ANAPC10: variants seen among roughly 807,000 people sequenced by gnomAD.
The protein encoded by ANAPC10 is anaphase-promoting complex subunit 10.
A neutral mutation model predicts 22.0 loss-of-function variants in ANAPC10; 12 were observed. The observed-to-expected ratio is 0.55, with a 90% CI of 0.35 to 0.88. ANAPC10 has a LOEUF of 0.88. Ranked by LOEUF, ANAPC10 falls within the 40% of genes least tolerant of loss-of-function variation. ANAPC10 has a pLI of 0.01. For synonymous variants in ANAPC10, 65 were observed against 69.5 expected (o/e 0.94, Z 0.32); for missense variants, 188 against 220.9 (o/e 0.85, Z 0.94).
rs568677882 is a variant in ANAPC10 at position 145,096,188 on chromosome 4, T to G, written c.-12-77A>C. On this transcript the variant is annotated intron_variant, in intron 1 of 4. Coordinates refer to ENST00000507656, the MANE Select transcript of ANAPC10 (RefSeq NM_001256706.2). ...TACAAAAGTTTTTTACCAAGAAAAA[T>G]TTAATGGAACTCATATACCCTGACA... 3 of 1,464,842 alleles carry G rather than the reference T, an allele frequency of 2.0e-6. No homozygotes were observed. In the Admixed American group the frequency reaches 6.2e-5, roughly 30 times the overall value. 90.7% of individuals were successfully genotyped at this position (1,464,842 alleles called of 1,614,324 possible). A position where few individuals can be genotyped will look rare whatever the true frequency, so the allele number is the denominator to read the frequency against.
intron 2 of ANAPC10, among the ~76,000 whole-genome samples, chr4:145,083,895 G>A (rs1374407292): frequency 6.6e-6 from 1 of 151,658 alleles, no homozygotes; most frequent in Non-Finnish European, 1.5e-5. Context: ...ATATTTTCAT[G>A]CTTATTCATA....
chr4:145,069,541 C>T (rs1744188544), intron 3 of ANAPC10, among the ~76,000 whole-genome samples: 2 of 152,074 alleles, frequency 1.3e-5, no homozygotes, highest in African/African-American at 2.4e-5. Flanking sequence ...TCCCAATAAC[C>T]GAAGTGGTAA....
chr4:145,083,294 A>C (rs1325160517), intron 2 of ANAPC10, among the ~76,000 whole-genome samples: 2 of 152,136 alleles, frequency 1.3e-5, no homozygotes, highest in East Asian at 3.8e-4. Flanking sequence ...AAGGTTGTAT[A>C]TTCTACCACT....
At chr4:145,047,240 A>C (rs1740441928) in intron 4 of ANAPC10, among the ~76,000 whole-genome samples, 1 of 152,096 alleles carries the variant, frequency 6.6e-6, no homozygotes, top group African/African-American at 2.4e-5. Flanking sequence ...TGGCAAAGAC[A>C]ATCTAGAAAC....
chr4:145,057,873 C>A (rs985399804), intron 4 of ANAPC10, among the ~76,000 whole-genome samples: 3 of 152,108 alleles, frequency 2.0e-5, no homozygotes, highest in African/African-American at 7.2e-5. Flanking sequence ...AGGTAGCAAT[C>A]AGTCACAAGT....
intron 4 of ANAPC10, among the ~76,000 whole-genome samples, chr4:145,037,045 T>TGC (rs1560856647): frequency 2.7e-5 from 4 of 149,128 alleles, no homozygotes; most frequent in Admixed American, 6.7e-5. Context: ...TGTGTATGTG[T>TGC]GTGCATGCAT....
chr4:145,017,445 G>C (rs1274129372), intron 4 of ANAPC10, among the ~76,000 whole-genome samples: 1 of 152,162 alleles, frequency 6.6e-6, no homozygotes, highest in African/African-American at 2.4e-5. Context: ...AGTTAGAATG[G>C]CGATCATTAA....
At chr4:145,018,795 C>G (rs142986253) in intron 4 of ANAPC10, among the ~76,000 whole-genome samples, 8 of 152,158 alleles carry the variant, frequency 5.3e-5, no homozygotes, top group African/African-American at 1.9e-4. Context: ...GCAGGGGTAG[C>G]TATTCTTATG....
At chr4:145,054,888 G>GT (rs1416851945) in intron 4 of ANAPC10, among the ~76,000 whole-genome samples, 3 of 151,900 alleles carry the variant, frequency 2.0e-5, no homozygotes, top group African/African-American at 4.8e-5. Flanking sequence ...GTGTCTTCCC[G>GT]TATCTTATAG....
intron 3 of ANAPC10, among the ~76,000 whole-genome samples, chr4:145,065,644 A>G (rs1024022717): frequency 6.6e-6 from 1 of 152,080 alleles, no homozygotes; most frequent in African/African-American, 2.4e-5. Context: ...AATATCCATG[A>G]CAATAGAGAA....
chr4:145,071,240 C>A (rs983335565), intron 3 of ANAPC10, among the ~76,000 whole-genome samples: 3 of 152,120 alleles, frequency 2.0e-5, no homozygotes, highest in African/African-American at 7.2e-5. Flanking sequence ...AACCCCATCT[C>A]TATTAAAAAT....
At chr4:145,052,508 C>A (rs904063263) in intron 4 of ANAPC10, among the ~76,000 whole-genome samples, 1 of 152,044 alleles carries the variant, frequency 6.6e-6, no homozygotes, top group Admixed American at 6.5e-5. Flanking sequence ...TATACTAATA[C>A]AATAAAATAG....
At chr4:145,020,984 G>T (rs1458088425) in intron 4 of ANAPC10, among the ~76,000 whole-genome samples, 1 of 151,908 alleles carries the variant, frequency 6.6e-6, no homozygotes, top group African/African-American at 2.4e-5. Context: ...CCATGTTCAT[G>T]GAATGGTAGA....
intron 4 of ANAPC10, chr4:145,053,713 A>G: frequency 6.5e-6 from 4 of 617,334 alleles, no homozygotes; most frequent in Non-Finnish European, 1.2e-5. Flanking sequence ...TTCTGCTTCA[A>G]TATTCTCATT....
At chr4:145,009,786 C>G (rs902252412) in intron 4 of ANAPC10, among the ~76,000 whole-genome samples, 1 of 152,028 alleles carries the variant, frequency 6.6e-6, no homozygotes, top group African/African-American at 2.4e-5. Flanking sequence ...TCTAAAACAC[C>G]AAAAGCAATG....
At chr4:145,064,719 T>C (rs369523731) in intron 3 of ANAPC10, 27 bp from the exon 4 acceptor site, 1 of 1,488,740 alleles carries the variant, frequency 6.7e-7, no homozygotes, top group Non-Finnish European at 9.0e-7. Flanking sequence ...AAAAATAACA[T>C]GCACTTCATC....
chr4:145,010,046 T>C (rs1481284372), intron 4 of ANAPC10, among the ~76,000 whole-genome samples: 1 of 152,138 alleles, frequency 6.6e-6, no homozygotes, highest in African/African-American at 2.4e-5. Context: ...AGAAGACATT[T>C]ATGCAGTCAA....
At chr4:145,095,942 C>A (rs1199986673) in intron 2 of ANAPC10, 43 bp downstream of exon 2, 2 of 1,613,400 alleles carry the variant, frequency 1.2e-6, no homozygotes, top group Admixed American at 1.7e-5. Context: ...AAGGAAACTG[C>A]AAGTGACTAT....
At chr4:145,029,601 T>C (rs1488318259) in intron 4 of ANAPC10, among the ~76,000 whole-genome samples, 1 of 152,144 alleles carries the variant, frequency 6.6e-6, no homozygotes, top group Non-Finnish European at 1.5e-5. Flanking sequence ...GCCCAGTAAG[T>C]AGGGACTCTG....
Sources: allele counts gnomAD v4.1 joint callset (sites outside exome capture counted in the v4.1 genomes callset), GRCh38; gene constraint gnomAD v4.1.1; transcripts MANE v1.5; gene names NCBI Gene and HGNC (gene_info 2026-07-23, HGNC 2026-07-21).